MON2: variants seen among roughly 807,000 people sequenced by gnomAD.
MON2 encodes protein MON2 homolog.
In MON2, 84 loss-of-function variants were observed where a neutral mutation model predicts 208.6. The ratio of observed to expected loss-of-function variants is 0.40; its 90% CI spans 0.34 to 0.48. The LOEUF is 0.48. MON2 is among the 20% of genes least tolerant of loss of function. The pLI, the probability that MON2 is intolerant of heterozygous loss-of-function variation, is 0.59. For missense variants in MON2, 1,611 were observed against 2,015.4 expected, an observed-to-expected ratio of 0.80 and a Z score of 3.84; for synonymous variants, 660 against 694.0, an observed-to-expected ratio of 0.95 and a Z score of 0.77.
chr12:62,592,649 GTTC>G lies in MON2; in HGVS notation c.5061_5063del (p.Ser1688del), dbSNP rs1565723532. ...CCAACTTTAGTAGAATGCATCACCTGTTCTTCTTCAGAAGTCTGTTCTGCACTT... is the reference window on the plus strand; with the variant it reads ...CCAACTTTAGTAGAATGCATCACCTGTTCTTCAGAAGTCTGTTCTGCACTT... On this transcript the variant is annotated inframe_deletion, in exon 35 of 35. Coordinates refer to ENST00000393630, the MANE Select transcript of MON2 (RefSeq NM_015026.3). 3.1e-6 allele frequency: 5 copies of G among 1,612,066 alleles called. No homozygotes were observed. The highest frequency in any genetic ancestry group is 2.2e-5 in the East Asian group (1 of 44,832).
chr12:62,548,102 G>C (rs1202714236), intron 22 of MON2, among the ~76,000 whole-genome samples: 2 of 152,180 alleles, frequency 1.3e-5, no homozygotes, highest in African/African-American at 4.8e-5. Context: ...CAAAATTCAT[G>C]TGGGAGACAT....
chr12:62,511,960 G>A (rs566914755), intron 8 of MON2, among the ~76,000 whole-genome samples: 17 of 151,708 alleles, frequency 1.1e-4, no homozygotes, highest in East Asian at 7.8e-4. Context: ...CTCACATGGC[G>A]GCAGACAAGA....
At chr12:62,471,567 A>C (rs930367451) in intron 1 of MON2, among the ~76,000 whole-genome samples, 5 of 152,218 alleles carry the variant, frequency 3.3e-5, no homozygotes, top group Non-Finnish European at 7.3e-5. Context: ...TTGGCACTTA[A>C]GAGGGAAGTC....
At chr12:62,479,562 T>C (rs967265259) in intron 1 of MON2, among the ~76,000 whole-genome samples, 10 of 151,824 alleles carry the variant, frequency 6.6e-5, no homozygotes, top group Admixed American at 2.0e-4. Context: ...AGGTCAAGGA[T>C]ATTCTAGGTG....
chr12:62,537,784 T>C, intron 16 of MON2, 78 bp downstream of exon 16: 1 of 1,155,702 alleles, frequency 8.7e-7, no homozygotes, highest in Non-Finnish European at 1.3e-6. Flanking sequence ...GCAATGTATT[T>C]TGATGTTTTG....
Position 62,526,000 on chromosome 12 carries a change from T to C in MON2, c.1298T>C (p.Val433Ala). Reference sequence around the variant, plus strand: ...TCAGCACCAGCTAACTCAGGAATGGTGGGGATTGGTGGAGGTGTTACTTTG... The same window carrying C: ...TCAGCACCAGCTAACTCAGGAATGGCGGGGATTGGTGGAGGTGTTACTTTG... ...SVSAPANSGM[V>A]GIGGGVTLLP... Residue 433 changes from valine to alanine, a missense_variant, in exon 11 of 35, where the codon GTG becomes GCG. Coordinates refer to ENST00000393630, the MANE Select transcript of MON2 (RefSeq NM_015026.3). 1 of 1,613,778 alleles carries C rather than the reference T, an allele frequency of 6.2e-7. No homozygotes were observed. Among genetic ancestry groups the C allele is most frequent in the Non-Finnish European group, 8.5e-7 (1 of 1,179,780 alleles).
intron 1 of MON2, among the ~76,000 whole-genome samples, chr12:62,477,527 A>T (rs995069926): frequency 6.7e-6 from 1 of 149,978 alleles, no homozygotes; most frequent in African/African-American, 2.5e-5. Context: ...CTGAGCTCCC[A>T]CCTCAGCCTC....
At chr12:62,530,641 A>T (rs966211440) in intron 11 of MON2, among the ~76,000 whole-genome samples, 3 of 152,036 alleles carry the variant, frequency 2.0e-5, no homozygotes, top group Non-Finnish European at 1.5e-5. Context: ...AAGTTAATTG[A>T]TGCATATTGG....
rs115159472 is a variant in MON2, at chr12:62,551,077, G to A, written c.2916+1247G>A. On this transcript the variant is annotated intron_variant, in intron 23 of 34. Coordinates refer to ENST00000393630, the MANE Select transcript of MON2 (RefSeq NM_015026.3). ...TGGAATTATAGGCGCCCGCCATGATGTACTTTCTTATAGTTTGTTTGTTCT... is the reference window on the plus strand; with the variant it reads ...TGGAATTATAGGCGCCCGCCATGATATACTTTCTTATAGTTTGTTTGTTCT... Among the ~76,000 whole-genome samples, 471 of 152,052 alleles carry A rather than the reference G, an allele frequency of 3.1e-3. 1 individual carries two copies. Among genetic ancestry groups the A allele is most frequent in the African/African-American group, 0.011 (443 of 41,486 alleles).
At chr12:62,540,488 A>C (rs1048755297) in intron 19 of MON2, among the ~76,000 whole-genome samples, 6 of 152,200 alleles carry the variant, frequency 3.9e-5, no homozygotes, top group South Asian at 2.1e-4. Context: ...GGGCAGGTTA[A>C]TGTAAATCAA....
chr12:62,524,791 C>T, intron 9 of MON2, 152 bp downstream of exon 9: 1 of 825,110 alleles, frequency 1.2e-6, no homozygotes, highest in Non-Finnish European at 1.8e-6. Flanking sequence ...GGTATTGTAT[C>T]TATAAGGACG....
At position 62,511,116 on chromosome 12, in the gene MON2, A is replaced by G. The variant is rs142045810; in HGVS notation, c.984+2636A>G. ...ATTATTGAAAGAAATTTAAGACACA[A>G]AGAAATGGAAAGATATCCAGTGTTC... On this transcript the variant is annotated intron_variant, in intron 8 of 34. Transcript: ENST00000393630. 4.3e-3 allele frequency among the ~76,000 whole-genome samples: 656 copies of G among 152,322 alleles called. 7 individuals are homozygous for G. The highest frequency in any genetic ancestry group is 0.015 in the African/African-American group (623 of 41,582).
chr12:62,525,084 G>A lies in MON2; in HGVS notation c.1110G>A (p.Arg370=). The change falls in exon 10 of 35, where the codon AGG becomes AGA. Residue 370 remains arginine (R), a splice_region_variant and synonymous_variant. Transcript: ENST00000393630. ...HRFCVQPQLL[R]SFCQSYDMKQ... is the part of the protein sequence containing the mutation. ...AAAAACCTTTTAAATTATTTTACAG[G>A]TCATTTTGTCAGTCCTATGATATGA... 2 of 1,605,338 alleles carry A rather than the reference G, an allele frequency of 1.2e-6. No individual in the cohort carries two copies. The highest frequency in any genetic ancestry group is 2.2e-5 in the East Asian group (1 of 44,796).
In MON2 at chr12:62,546,940, A is replaced by G. The variant is rs749411329; in HGVS notation, c.2621A>G (p.Asn874Ser). ...LLLNPLKEMS[N>S]INHPDIRLKQ... ...TTGAACCCGTTAAAGGAGATGTCCA[A>G]TATTAATCATCCAGATATTCGACTC... The change falls in exon 22 of 35, where the codon AAT (asparagine) becomes AGT (serine). Residue 874 changes from asparagine (N) to serine (S), a missense_variant. Physicochemically the swap from Asn to Ser is conservative, Grantham distance 46. Transcript: ENST00000393630. 69 of 1,613,172 alleles carry G rather than the reference A, an allele frequency of 4.3e-5. No individual in the cohort carries two copies. Among genetic ancestry groups the G allele is most frequent in the Non-Finnish European group, 5.6e-5 (66 of 1,179,506 alleles).
chr12:62,476,719 G>A (rs186074776), intron 1 of MON2, among the ~76,000 whole-genome samples: 33 of 152,260 alleles, frequency 2.2e-4, no homozygotes, highest in Middle Eastern at 3.4e-3. Context: ...TTACAGGCAT[G>A]AGCCACCATG....
At chr12:62,580,493 C>A in intron 32 of MON2, 73 bp downstream of exon 32, 3 of 1,353,328 alleles carry the variant, frequency 2.2e-6, no homozygotes, top group East Asian at 2.4e-5. Flanking sequence ...AATGTTTAAT[C>A]CTATGATTTT....
chr12:62,494,214 A>T (rs2070338580), intron 3 of MON2, among the ~76,000 whole-genome samples, 172 bp downstream of exon 3: 1 of 152,244 alleles, frequency 6.6e-6, no homozygotes, highest in African/African-American at 2.4e-5. Flanking sequence ...TTAAACACTC[A>T]CAAACAAGTA....
In MON2 at chr12:62,532,496, G is replaced by T; in HGVS notation, c.1459G>T (p.Val487Leu). 3.1e-6 allele frequency: 5 copies of T among 1,614,086 alleles called. No individual in the cohort carries two copies. Among genetic ancestry groups the T allele is most frequent in the Non-Finnish European group, 4.2e-6 (5 of 1,179,994 alleles). The change falls in exon 12 of 35, where the codon GTG (valine) becomes TTG (leucine). Residue 487 changes from valine (V) to leucine (L), a missense_variant. Transcript: ENST00000393630. ...PTIPEGYAMS[V>L]AFHCLLDLVR... is the part of the protein sequence containing the mutation. Reference sequence around the variant, plus strand: ...TATACCTGAAGGTTACGCCATGTCTGTGGCATTCCATTGTTTGCTAGACCT... The same window carrying T: ...TATACCTGAAGGTTACGCCATGTCTTTGGCATTCCATTGTTTGCTAGACCT...
At chr12:62,522,674 C>T (rs2072114025) in intron 8 of MON2, among the ~76,000 whole-genome samples, 1 of 152,180 alleles carries the variant, frequency 6.6e-6, no homozygotes, top group Non-Finnish European at 1.5e-5. Context: ...ATCTTAATAC[C>T]TGTTTCCTTA....
Sources: gnomAD v4.1 joint callset for allele counts (sites outside exome capture counted in the v4.1 genomes callset) on GRCh38, gnomAD v4.1.1 for gene constraint, MANE v1.5 for transcripts, NCBI Gene and HGNC (gene_info 2026-07-23, HGNC 2026-07-21) for gene names.